Variants in TARS2 observed in about 807,000 individuals in gnomAD.
TARS2 encodes the protein threonyl-tRNA synthetase 2, mitochondrial.
A neutral mutation model predicts 94.4 loss-of-function variants in TARS2; 61 were observed. The observed-to-expected ratio is 0.65, with a 90% CI of 0.53 to 0.80. TARS2 has a LOEUF of 0.80. Among genes scored for constraint, TARS2 ranks in the 30% least tolerant of loss-of-function variants. The pLI, the probability that TARS2 is intolerant of heterozygous loss-of-function variation, is 0.00. For synonymous variants in TARS2, 359 were observed against 353.4 expected (o/e 1.02, Z -0.18); for missense variants, 704 against 902.5 (o/e 0.78, Z 2.82).
intron 16 of TARS2, 122 bp downstream of exon 16, chr1:150,505,100 G>C (rs1670143668): frequency 1.1e-6 from 1 of 934,522 alleles, no homozygotes; most frequent in Non-Finnish European, 1.6e-6. Flanking sequence ...ACAGCCACAA[G>C]ACTGGGCTCG....
In TARS2 at chr1:150,491,484, AC is replaced by A. The variant is rs779235829; in HGVS notation, c.604del (p.Arg202GlyfsTer17). The A allele has an allele frequency of 1.9e-6, 3 of 1,614,126 alleles. No homozygotes were observed. Among genetic ancestry groups the A allele is most frequent in the Non-Finnish European group, 2.5e-6 (3 of 1,180,008 alleles). ...GACCCTTCCGGAGGCTAGAGGCTTC[AC>A]GGGATCAGCTTCGCCAGTTGTTCAA... ...ARPFRRLEAS[R>X]DQLRQLFKDN... is the part of the protein sequence containing the mutation. On this transcript the variant is annotated frameshift_variant, in exon 5 of 18. Coordinates refer to ENST00000369064, the MANE Select transcript of TARS2 (RefSeq NM_025150.5). LOFTEE classifies it high-confidence loss of function.
At chr1:150,498,733 C>G in intron 11 of TARS2, 69 bp downstream of exon 11, 1 of 1,608,776 alleles carries the variant, frequency 6.2e-7, no homozygotes, top group Non-Finnish European at 8.5e-7. Flanking sequence ...ACCTGCAAAC[C>G]CCTGATCTTT....
In TARS2 at chr1:150,502,996, A is replaced by G. The variant is rs373972354; in HGVS notation, c.1618-1339A>G. On this transcript the variant is annotated intron_variant, in intron 13 of 17. Transcript: ENST00000369064. ...CATAAAGTGTGTATTATGTTGAATC[A>G]GTCTAATAAGTTGCTGGCTCAGATA... is the stretch of plus-strand genomic sequence containing the variant. Among the ~76,000 whole-genome samples, 5 of 152,348 alleles carry G rather than the reference A, an allele frequency of 3.3e-5. No individual in the cohort carries two copies. In the South Asian group the frequency reaches 6.2e-4, roughly 19 times the overall value.
chr1:150,501,274 T>C (rs1000601900), intron 13 of TARS2, among the ~76,000 whole-genome samples: 1 of 144,400 alleles, frequency 6.9e-6, no homozygotes, highest in Non-Finnish European at 1.5e-5. Context: ...CAGGGCATCA[T>C]AATAAGACCT....
chr1:150,487,528 A>AC lies in TARS2; in HGVS notation c.66+17dup. On this transcript the variant is annotated intron_variant, in intron 1 of 17. Transcript: ENST00000369064. Reference sequence around the variant, plus strand: ...GCAGGCTACACACGGTGCGTGAGGCACCCCCAAAGCTCCGATCCGCATCAG... The same window carrying AC: ...GCAGGCTACACACGGTGCGTGAGGCACCCCCCAAAGCTCCGATCCGCATCAG... 1 of 1,613,992 alleles carries AC rather than the reference A, an allele frequency of 6.2e-7. No individual in the cohort carries two copies. Among genetic ancestry groups the AC allele is most frequent in the Non-Finnish European group, 8.5e-7 (1 of 1,179,996 alleles).
Position 150,488,096 on chromosome 1 carries a change from C to T in TARS2, c.263+42C>T, listed in dbSNP as rs778967345. On this transcript the variant is annotated intron_variant, in intron 2 of 17. Coordinates refer to ENST00000369064, the MANE Select transcript of TARS2 (RefSeq NM_025150.5). ...GTAACTACCAGGATTATCCTTCTGCCCCTTTACTTTCTCTTCACTTGAGCA... is the reference window on the plus strand; with the variant it reads ...GTAACTACCAGGATTATCCTTCTGCTCCTTTACTTTCTCTTCACTTGAGCA... 10 of 1,591,656 alleles carry T rather than the reference C, an allele frequency of 6.3e-6. No homozygotes were observed. In the Admixed American group the frequency reaches 8.7e-5, roughly 14 times the overall value.
chr1:150,489,479 G>C (rs1331418270), intron 3 of TARS2, among the ~76,000 whole-genome samples: 1 of 152,116 alleles, frequency 6.6e-6, no homozygotes, highest in Non-Finnish European at 1.5e-5. Context: ...TGTCAGCTCA[G>C]GTAGCACAGA....
chr1:150,493,770 A>G (rs1353540549), intron 7 of TARS2, among the ~76,000 whole-genome samples: 8 of 152,036 alleles, frequency 5.3e-5, no homozygotes, highest in Non-Finnish European at 8.8e-5. Context: ...AAAAAAAAGA[A>G]AAGAAAATAC....
intron 13 of TARS2, 105 bp from the exon 14 acceptor site, chr1:150,504,230 C>CG: frequency 1.9e-6 from 2 of 1,047,912 alleles, no homozygotes; most frequent in Non-Finnish European, 2.9e-6. Flanking sequence ...GGTAGTAGCC[C>CG]GGGATGAGGG....
chr1:150,507,214 G>T lies in TARS2; in HGVS notation c.*150G>T. ...CTCTCCTGAAAAGAGACTTGGTTTG[G>T]GGACCCCACAAAAGGAGGGAAGCTG... On this transcript the variant is annotated 3_prime_UTR_variant, in exon 18 of 18. Coordinates refer to ENST00000369064, the MANE Select transcript of TARS2 (RefSeq NM_025150.5). 9.2e-7 allele frequency: 1 copy of T among 1,081,392 alleles called. No individual in the cohort carries two copies. The highest frequency in any genetic ancestry group is 1.3e-6 in the Non-Finnish European group (1 of 777,810). 67.0% of individuals were successfully genotyped at this position (1,081,392 alleles called of 1,614,324 possible).
At chr1:150,492,887 C>T (rs1669464305) in intron 7 of TARS2, among the ~76,000 whole-genome samples, 1 of 151,334 alleles carries the variant, frequency 6.6e-6, no homozygotes, top group Admixed American at 6.6e-5. Flanking sequence ...TGTCGGCACC[C>T]CCCTTTTTTT....
intron 6 of TARS2, 124 bp from the exon 7 acceptor site, chr1:150,492,287 T>C (rs587755582): frequency 6.1e-6 from 6 of 979,406 alleles, no homozygotes; most frequent in African/African-American, 4.9e-5. Flanking sequence ...TTATCTGCCA[T>C]TGCCCTCTCT....
At chr1:150,489,459 GTCT>G (rs1343705161) in intron 3 of TARS2, among the ~76,000 whole-genome samples, 3 of 152,118 alleles carry the variant, frequency 2.0e-5, no homozygotes, top group African/African-American at 7.2e-5. Context: ...TCCCCACCTT[GTCT>G]TCTTCATGTC....
intron 16 of TARS2, 77 bp from the exon 17 acceptor site, chr1:150,505,514 G>C: frequency 7.7e-7 from 1 of 1,300,086 alleles, no homozygotes; most frequent in South Asian, 1.2e-5. Flanking sequence ...GGGGCATTGA[G>C]GGAAAAGAGC....
rs1669803500 is a variant in TARS2, at chr1:150,499,250, C to G, written c.1574C>G (p.Pro525Arg). The G allele has an allele frequency of 3.1e-6, 5 of 1,614,092 alleles. No individual in the cohort carries two copies. The highest frequency in any genetic ancestry group is 4.2e-6 in the Non-Finnish European group (5 of 1,180,010). ...CAGGCCCTGAAGGAATTTGGAGAAC[C>G]CTGGGACCTCAACTCTGGAGATGGT... ...LKQALKEFGE[P>R]WDLNSGDGAF... Residue 525 changes from proline to arginine, a missense_variant, in exon 13 of 18, where the codon CCC becomes CGC. Around this residue, in one of 3 missense-constraint regions of TARS2, gnomAD observed 466 missense variants for 609.5 expected, o/e 0.76. Transcript: ENST00000369064.
rs1416812776 is a variant in TARS2 at position 150,505,633 on chromosome 1, G to A, written c.1936G>A (p.Asp646Asn). 6.2e-7 allele frequency: 1 copy of A among 1,614,172 alleles called. No homozygotes were observed. Among genetic ancestry groups the A allele is most frequent in the South Asian group, 1.1e-5 (1 of 91,076 alleles). The change falls in exon 17 of 18, where the codon GAT becomes AAT. Residue 646 changes from aspartate to asparagine, a missense_variant. By Grantham distance (23) the Asp-to-Asn change is conservative. Coordinates refer to ENST00000369064, the MANE Select transcript of TARS2 (RefSeq NM_025150.5). ...GGCTGCAGGACTGGTCAGTGACCTG[G>A]ATGCAGACTCTGGACTGACCCTCAG... ...LRAAGLVSDLDADSGLTLSRR... is the reference protein window; with the variant it reads ...LRAAGLVSDLNADSGLTLSRR...
At chr1:150,501,268 G>A (rs1469805999) in intron 13 of TARS2, among the ~76,000 whole-genome samples, 1 of 148,426 alleles carries the variant, frequency 6.7e-6, no homozygotes, top group African/African-American at 2.5e-5. Context: ...TAGTAACAGG[G>A]CATCATAATA....
At chr1:150,496,996 G>A in intron 9 of TARS2, 88 bp downstream of exon 9, 5 of 1,316,484 alleles carry the variant, frequency 3.8e-6, no homozygotes, top group Non-Finnish European at 5.3e-6. Flanking sequence ...AAAGATGGGG[G>A]TTGGGGCCGG....
In TARS2 at chr1:150,489,531, T is replaced by A. The variant is rs1242635040; in HGVS notation, c.387+444T>A. Among the ~76,000 whole-genome samples the A allele has an allele frequency of 3.9e-5, 6 of 152,136 alleles. No homozygotes were observed. In the East Asian group the frequency reaches 1.2e-3, roughly 29 times the overall value. ...CCAGAAAAATAGAGTTCTCCTGCCA[T>A]CTATGTGTAAATAGTGACCAAATCC... On this transcript the variant is annotated intron_variant, in intron 3 of 17. Transcript: ENST00000369064.
Sources: allele counts gnomAD v4.1 joint callset (sites outside exome capture counted in the v4.1 genomes callset), GRCh38; gene constraint gnomAD v4.1.1; regional missense constraint gnomAD v4.1.1; transcripts MANE v1.5; gene names NCBI Gene and HGNC (gene_info 2026-07-23, HGNC 2026-07-21).